AP1AR: variants seen among roughly 807,000 people sequenced by gnomAD.
AP1AR encodes adaptor related protein complex 1 associated regulatory protein, also known as AP-1 complex-associated regulatory protein.
A neutral mutation model predicts 46.3 loss-of-function variants in AP1AR; 29 were observed. That is an observed-to-expected ratio of 0.63 (90% CI 0.47 to 0.85). AP1AR has a LOEUF of 0.85. AP1AR is among the 40% of genes least tolerant of loss of function. The probability of loss-of-function intolerance (pLI) is 0.00; values close to 1 mark genes in which losing one functional copy is unlikely to be tolerated. For synonymous variants in AP1AR, 122 were observed against 122.9 expected, an observed-to-expected ratio of 0.99 and a Z score of 0.05; for missense variants, 357 against 356.3, an observed-to-expected ratio of 1.00 and a Z score of -0.02.
At chr4:112,253,384 G>A in intron 2 of AP1AR, 128 bp downstream of exon 2, 1 of 690,376 alleles carries the variant, frequency 1.4e-6, no homozygotes, top group Non-Finnish European at 2.5e-6. Flanking sequence ...TATTATTCAT[G>A]TTAGTGAAGA....
chr4:112,255,995 GT>G (rs1379484416), intron 3 of AP1AR, among the ~76,000 whole-genome samples: 1 of 149,490 alleles, frequency 6.7e-6, no homozygotes, highest in Admixed American at 6.7e-5. Context: ...TGTCGTTTTT[GT>G]TTTCTAGGGA....
At chr4:112,260,980 T>C (rs1726418329) in intron 5 of AP1AR, 118 bp downstream of exon 5, 1 of 519,236 alleles carries the variant, frequency 1.9e-6, no homozygotes, top group Non-Finnish European at 3.1e-6. Flanking sequence ...TGAATCTGTT[T>C]TAAGAGTTAA....
chr4:112,240,521 G>A (rs1248328797), intron 1 of AP1AR, among the ~76,000 whole-genome samples: 1 of 152,190 alleles, frequency 6.6e-6, no homozygotes, highest in African/African-American at 2.4e-5. Flanking sequence ...TGAATACCCA[G>A]CTCTCAGTTA....
chr4:112,262,177 G>A (rs1726479671), intron 5 of AP1AR, among the ~76,000 whole-genome samples: 1 of 152,018 alleles, frequency 6.6e-6, no homozygotes, highest in South Asian at 2.1e-4. Flanking sequence ...CACCCGGGGT[G>A]GTGGCGCACG....
At chr4:112,245,438 C>T (rs1382892763) in intron 1 of AP1AR, among the ~76,000 whole-genome samples, 3 of 152,122 alleles carry the variant, frequency 2.0e-5, no homozygotes, top group Admixed American at 6.5e-5. Context: ...CTACACTTGA[C>T]CTTGGATATA....
intron 1 of AP1AR, among the ~76,000 whole-genome samples, chr4:112,237,227 A>C (rs944901545): frequency 6.6e-6 from 1 of 151,324 alleles, no homozygotes; most frequent in African/African-American, 2.4e-5. Context: ...CTGCCTCAGC[A>C]TCCCGAGTAG....
chr4:112,257,943 T>G, intron 4 of AP1AR, 146 bp downstream of exon 4: 1 of 617,068 alleles, frequency 1.6e-6, no homozygotes, highest in Non-Finnish European at 2.6e-6. Flanking sequence ...TTTATAAGAT[T>G]GAGACAAATA....
In AP1AR at chr4:112,268,124, A is replaced by C; in HGVS notation, c.644-20A>C. The stretch of plus-strand genomic sequence containing the variant: ...TTATTATCTGTTCTGAGATTTTTGA[A>C]AACTCTGTTCAAATCATAGGAATGA... On this transcript the variant is annotated intron_variant, in intron 9 of 9. Transcript: ENST00000274000. 1 of 1,506,956 alleles carries C rather than the reference A, an allele frequency of 6.6e-7. No homozygotes were observed. Among genetic ancestry groups the C allele is most frequent in the East Asian group, 2.3e-5 (1 of 43,482 alleles). The allele number at this position is 1,506,956 out of a possible 1,614,324, so 93.3% of individuals were successfully genotyped here.
rs549699094 is a variant in AP1AR at position 112,237,720 on chromosome 4, A to C, written c.83+5546A>C. ...GTGATCTGCATACCTCAGCCTCCCA[A>C]AGTGTTGGAATTACAGTTGTGAGCC... On this transcript the variant is annotated intron_variant, in intron 1 of 9. Coordinates refer to ENST00000274000, the MANE Select transcript of AP1AR (RefSeq NM_018569.6). 2.6e-5 allele frequency among the ~76,000 whole-genome samples: 4 copies of C among 151,730 alleles called. No individual in the cohort carries two copies. In the East Asian group the frequency reaches 7.8e-4, roughly 30 times the overall value.
intron 1 of AP1AR, among the ~76,000 whole-genome samples, chr4:112,236,809 A>G (rs986432459): frequency 2.6e-5 from 4 of 152,190 alleles, no homozygotes; most frequent in East Asian, 1.9e-4. Context: ...TTAGTTCTAT[A>G]TTTGGGTTTC....
At chr4:112,263,853 T>A (rs2110491883) in intron 6 of AP1AR, among the ~76,000 whole-genome samples, 1 of 152,280 alleles carries the variant, frequency 6.6e-6, no homozygotes, top group Admixed American at 6.5e-5. Flanking sequence ...GATCCTACAG[T>A]TAATAAGGGC....
chr4:112,257,100 A>G (rs1445214843), intron 3 of AP1AR, among the ~76,000 whole-genome samples: 1 of 152,232 alleles, frequency 6.6e-6, no homozygotes, highest in African/African-American at 2.4e-5. Context: ...CTTGGACTTT[A>G]GGAACACTGG....
rs1726891254 is a variant in AP1AR at position 112,270,141 on chromosome 4, G to A, written c.*1732G>A. 6.6e-6 allele frequency: 1 copy of A among 152,554 alleles called. No homozygotes were observed. 9.5% of individuals were successfully genotyped at this position (152,554 alleles called of 1,614,324 possible). A position where few individuals can be genotyped will look rare whatever the true frequency, so the allele number is the denominator to read the frequency against. On this transcript the variant is annotated 3_prime_UTR_variant, in exon 10 of 10. Transcript: ENST00000274000. ...TTGTAATTATTTTATTAAATCTGATGTGAAGACAAAAGTAAATTAAGAAAG... is the reference window on the plus strand; with the variant it reads ...TTGTAATTATTTTATTAAATCTGATATGAAGACAAAAGTAAATTAAGAAAG...
At chr4:112,249,004 C>G (rs1303470650) in intron 1 of AP1AR, among the ~76,000 whole-genome samples, 1 of 152,134 alleles carries the variant, frequency 6.6e-6, no homozygotes, top group Non-Finnish European at 1.5e-5. Context: ...CATAAAATAA[C>G]CTCCTGTTCC....
chr4:112,232,944 A>G (rs1391764168), intron 1 of AP1AR, among the ~76,000 whole-genome samples: 1 of 152,228 alleles, frequency 6.6e-6, no homozygotes, highest in African/African-American at 2.4e-5. Context: ...TAGTAATTTC[A>G]TAATTCCGTT....
rs1726526061 is a variant in AP1AR at position 112,263,104 on chromosome 4, C to T, written c.381+18C>T. On this transcript the variant is annotated intron_variant, in intron 6 of 9. Transcript: ENST00000274000. ...TCTTGGAGGTGAGGGGAAAAGACCC[C>T]AGCATATATTAGGGTTGCTTTTCTC... is the stretch of plus-strand genomic sequence containing the variant. 1 of 1,592,958 alleles carries T rather than the reference C, an allele frequency of 6.3e-7. No homozygotes were observed. The highest frequency in any genetic ancestry group is 1.3e-5 in the African/African-American group (1 of 74,112).
intron 5 of AP1AR, among the ~76,000 whole-genome samples, chr4:112,262,676 G>A (rs535733852): frequency 7.9e-5 from 12 of 152,186 alleles, no homozygotes; most frequent in Non-Finnish European, 1.8e-4. Context: ...AGGGTGATAG[G>A]TGTTGGAATG....
rs527644677 is a variant in AP1AR at position 112,251,429 on chromosome 4, G to T, written c.84-1779G>T. On this transcript the variant is annotated intron_variant, in intron 1 of 9. Transcript: ENST00000274000. ...CATCTAATACAAATGTAGTGTAACA[G>T]TTACCTTGGTTTCGACAATGTTCTA... Among the ~76,000 whole-genome samples the T allele has an allele frequency of 2.6e-5, 4 of 152,322 alleles. No homozygotes were observed. In the East Asian group the frequency reaches 7.7e-4, roughly 29 times the overall value.
intron 1 of AP1AR, among the ~76,000 whole-genome samples, chr4:112,252,923 G>C (rs1487752252): frequency 1.3e-5 from 2 of 152,122 alleles, no homozygotes; most frequent in Non-Finnish European, 1.5e-5. Context: ...ATTTTAAAAT[G>C]TATTCTACTC....
Sources: gnomAD v4.1 joint callset for allele counts (sites outside exome capture counted in the v4.1 genomes callset) on GRCh38, gnomAD v4.1.1 for gene constraint, MANE v1.5 for transcripts, NCBI Gene and HGNC (gene_info 2026-07-23, HGNC 2026-07-21) for gene names.